Variants in DCLK1 observed in about 807,000 individuals in gnomAD.
DCLK1 encodes serine/threonine-protein kinase DCLK1.
DCLK1 carries 16 observed loss-of-function variants against 86.2 expected under a neutral mutation model. That is an observed-to-expected ratio of 0.19 (90% CI 0.13 to 0.28). The LOEUF is 0.28. Ranked by LOEUF, DCLK1 falls within the 10% of genes least tolerant of loss-of-function variation. The probability of loss-of-function intolerance (pLI) is 1.00; values close to 1 mark genes in which losing one functional copy is unlikely to be tolerated. For missense variants in DCLK1, 590 were observed against 940.2 expected (o/e 0.63, Z 4.87); for synonymous variants, 369 against 370.5 (o/e 1.00, Z 0.05).
At chr13:35,979,392 T>C (rs1367178131) in intron 3 of DCLK1, among the ~76,000 whole-genome samples, 1 of 152,110 alleles carries the variant, frequency 6.6e-6, no homozygotes, top group Non-Finnish European at 1.5e-5. Flanking sequence ...AAAGAGGACA[T>C]GTGAATGGGG....
intron 4 of DCLK1, among the ~76,000 whole-genome samples, chr13:35,879,855 C>T (rs1872786024): frequency 6.6e-6 from 1 of 152,142 alleles, no homozygotes; most frequent in Non-Finnish European, 1.5e-5. Flanking sequence ...TCCTTGGCCT[C>T]ACCCACTAGA....
At chr13:36,123,861 G>A (rs928490124) in intron 2 of DCLK1, among the ~76,000 whole-genome samples, 2 of 152,248 alleles carry the variant, frequency 1.3e-5, no homozygotes, top group African/African-American at 4.8e-5. Context: ...AGACAAAGAA[G>A]ATGGTGACAA....
At chr13:35,927,434 T>C (rs1876185378) in intron 4 of DCLK1, among the ~76,000 whole-genome samples, 1 of 152,226 alleles carries the variant, frequency 6.6e-6, no homozygotes, top group South Asian at 2.1e-4. Flanking sequence ...GAGCTAGTCA[T>C]TTTGCCTTTC....
intron 4 of DCLK1, among the ~76,000 whole-genome samples, chr13:35,929,102 T>C (rs1240270445): frequency 6.6e-6 from 1 of 152,152 alleles, no homozygotes; most frequent in East Asian, 1.9e-4. Context: ...GCTAATTTCT[T>C]GTATTTTTAG....
intron 15 of DCLK1, among the ~76,000 whole-genome samples, chr13:35,799,137 T>C (rs1483760092): frequency 1.3e-5 from 2 of 152,212 alleles, no homozygotes; most frequent in Non-Finnish European, 2.9e-5. Context: ...CTTTTAAAAG[T>C]CCTGATGCCA....
intron 3 of DCLK1, among the ~76,000 whole-genome samples, chr13:36,100,394 A>G: frequency 6.6e-6 from 1 of 151,786 alleles, no homozygotes; most frequent in Non-Finnish European, 1.5e-5. Context: ...AACAAACAAA[A>G]ATGATGATGT....
intron 2 of DCLK1, among the ~76,000 whole-genome samples, chr13:36,117,990 G>A (rs1241929557): frequency 6.6e-6 from 1 of 152,136 alleles, no homozygotes; most frequent in East Asian, 1.9e-4. Context: ...TGACAAAAAA[G>A]AGAGGGGAGA....
At chr13:35,847,483 T>G (rs1333209453) in intron 6 of DCLK1, 1 of 985,006 alleles carries the variant, frequency 1.0e-6, no homozygotes, top group Non-Finnish European at 1.2e-6. Flanking sequence ...CCCAAACACC[T>G]GTATAGATAT....
chr13:36,091,206 C>T (rs1316849673), intron 3 of DCLK1, among the ~76,000 whole-genome samples: 1 of 152,082 alleles, frequency 6.6e-6, no homozygotes, highest in Non-Finnish European at 1.5e-5. Context: ...TCCCATTTGT[C>T]AATTCTGGCT....
At chr13:36,074,942 C>G (rs2153162283) in intron 3 of DCLK1, among the ~76,000 whole-genome samples, 1 of 152,320 alleles carries the variant, frequency 6.6e-6, no homozygotes, top group South Asian at 2.1e-4. Flanking sequence ...ACTGTAAAGG[C>G]AACACTAGAC....
At chr13:35,965,115 C>A (rs1878662091) in intron 3 of DCLK1, among the ~76,000 whole-genome samples, 1 of 152,148 alleles carries the variant, frequency 6.6e-6, no homozygotes, top group Admixed American at 6.5e-5. Flanking sequence ...CTGAGATCAC[C>A]AGTGCAGTTC....
chr13:35,892,122 G>A (rs1380524657), intron 4 of DCLK1, among the ~76,000 whole-genome samples: 1 of 151,970 alleles, frequency 6.6e-6, no homozygotes, highest in Non-Finnish European at 1.5e-5. Context: ...CTTGCTGAGG[G>A]GAATGTGACA....
chr13:35,913,685 G>A (rs901679621), intron 4 of DCLK1, among the ~76,000 whole-genome samples: 16 of 151,812 alleles, frequency 1.1e-4, no homozygotes, highest in African/African-American at 2.9e-4. Flanking sequence ...AGAATAAACC[G>A]AATTCTTGTT....
At chr13:35,895,657 G>A (rs1344420279) in intron 4 of DCLK1, among the ~76,000 whole-genome samples, 1 of 151,770 alleles carries the variant, frequency 6.6e-6, no homozygotes, top group African/African-American at 2.4e-5. Context: ...AGATTTTAGA[G>A]AGGAACACAA....
intron 2 of DCLK1, among the ~76,000 whole-genome samples, chr13:36,119,705 C>G (rs908962387): frequency 1.3e-5 from 2 of 152,108 alleles, no homozygotes; most frequent in Admixed American, 1.3e-4. Flanking sequence ...TGGTATTCTT[C>G]AAACTGTCAA....
At chr13:35,849,250 T>C in intron 6 of DCLK1, 1 of 985,386 alleles carries the variant, frequency 1.0e-6, no homozygotes, top group Non-Finnish European at 1.2e-6. Flanking sequence ...ATTTGCTAGT[T>C]GAACAATTTA....
At chr13:35,826,758 A>C (rs1400316616) in intron 10 of DCLK1, among the ~76,000 whole-genome samples, 2 of 152,174 alleles carry the variant, frequency 1.3e-5, no homozygotes. Flanking sequence ...TTTTTAAAAG[A>C]GAAAACCTCA....
chr13:35,924,049 G>A (rs1158165291), intron 4 of DCLK1, among the ~76,000 whole-genome samples: 3 of 152,050 alleles, frequency 2.0e-5, no homozygotes, highest in Non-Finnish European at 2.9e-5. Flanking sequence ...TATCACAGCC[G>A]AACTGCCTTT....
chr13:36,063,098 C>T (rs892705992), intron 3 of DCLK1, among the ~76,000 whole-genome samples: 3 of 152,134 alleles, frequency 2.0e-5, no homozygotes, highest in South Asian at 2.1e-4. Flanking sequence ...TACAGCATCA[C>T]GTGCATGTGG....
Sources: allele counts gnomAD v4.1 joint callset (sites outside exome capture counted in the v4.1 genomes callset), GRCh38; gene constraint gnomAD v4.1.1; transcripts MANE v1.5; gene names NCBI Gene and HGNC (gene_info 2026-07-23, HGNC 2026-07-21).